Variants in CXCL13 observed in about 807,000 individuals in gnomAD.
The protein encoded by CXCL13 is C-X-C motif chemokine ligand 13, also known as C-X-C motif chemokine 13.
A neutral mutation model predicts 12.2 loss-of-function variants in CXCL13; 7 were observed. The observed-to-expected ratio is 0.57, with a 90% CI of 0.33 to 1.07. The LOEUF (loss-of-function observed/expected upper bound fraction) is 1.07, where lower values mean the gene tolerates loss of function less well. Among genes scored for constraint, CXCL13 ranks in the 50% least tolerant of loss-of-function variants. CXCL13 has a pLI of 0.04. For missense variants in CXCL13, 113 were observed against 127.4 expected (o/e 0.89, Z 0.55); for synonymous variants, 47 against 42.4 (o/e 1.11, Z -0.42).
At chr4:77,591,743 T>C (rs577302723) in intron 1 of CXCL13, among the ~76,000 whole-genome samples, 3 of 152,200 alleles carry the variant, frequency 2.0e-5, no homozygotes, top group East Asian at 1.9e-4. Context: ...CAGGCCACAC[T>C]TGGCACAGCC....
chr4:77,562,937 G>T (rs1725846778), intron 1 of CXCL13, among the ~76,000 whole-genome samples: 1 of 152,162 alleles, frequency 6.6e-6, no homozygotes, highest in South Asian at 2.1e-4. Context: ...ATAAAAGCAG[G>T]CTGCCAGAGC....
intron 1 of CXCL13, among the ~76,000 whole-genome samples, chr4:77,533,042 G>A (rs1009649448): frequency 2.0e-5 from 3 of 152,038 alleles, no homozygotes; most frequent in African/African-American, 4.8e-5. Flanking sequence ...AAATCATCAT[G>A]GTCATTCTCC....
chr4:77,542,951 T>G (rs751930019), intron 1 of CXCL13, among the ~76,000 whole-genome samples: 7 of 152,126 alleles, frequency 4.6e-5, no homozygotes, highest in Non-Finnish European at 1.0e-4. Flanking sequence ...CAGCTTTTCT[T>G]TTTAGGTATG....
At chr4:77,516,316 G>A (rs1322299153) in intron 1 of CXCL13, among the ~76,000 whole-genome samples, 3 of 152,294 alleles carry the variant, frequency 2.0e-5, no homozygotes, top group South Asian at 2.1e-4. Context: ...GATGATGCTG[G>A]CCTCATAAAT....
At chr4:77,515,634 T>C (rs1421635631) in intron 1 of CXCL13, among the ~76,000 whole-genome samples, 4 of 152,180 alleles carry the variant, frequency 2.6e-5, no homozygotes, top group African/African-American at 7.2e-5. Context: ...ATAAGAATGC[T>C]TGTGATTTTT....
At chr4:77,592,581 A>G (rs1726640085) in intron 1 of CXCL13, among the ~76,000 whole-genome samples, 1 of 152,150 alleles carries the variant, frequency 6.6e-6, no homozygotes. Flanking sequence ...CCATAATTCT[A>G]TACAATTATA....
intron 1 of CXCL13, among the ~76,000 whole-genome samples, chr4:77,566,063 G>A (rs1224695681): frequency 1.3e-5 from 2 of 152,234 alleles, no homozygotes; most frequent in South Asian, 2.1e-4. Flanking sequence ...AAGTTTCATA[G>A]ACTAATGATT....
Position 77,561,225 on chromosome 4 carries a change from C to T in CXCL13, c.-42-44599C>T, listed in dbSNP as rs181666853. Among the ~76,000 whole-genome samples, 5 of 152,256 alleles carry T rather than the reference C, an allele frequency of 3.3e-5. No individual in the cohort carries two copies. The South Asian group carries it at 1.0e-3, about 32-fold the overall frequency. On this transcript the variant is annotated intron_variant, in intron 1 of 4. Coordinates refer to the CXCL13 transcript ENST00000286758. ...AGTGTGGTCCATGGACCAGGAACAG[C>T]AGTGTTACCTGGAGGCCTGTTAGAA... is the stretch of plus-strand genomic sequence containing the variant.
intron 2 of CXCL13, among the ~76,000 whole-genome samples, chr4:77,610,173 A>G (rs1392129117): frequency 6.7e-6 from 1 of 150,096 alleles, no homozygotes; most frequent in African/African-American, 2.4e-5. Context: ...ATTGCACTGA[A>G]TTTTTTTTTT....
In CXCL13 at chr4:77,533,827, C is replaced by T. The variant is rs566301889; in HGVS notation, c.-43+22039C>T. Among the ~76,000 whole-genome samples the T allele has an allele frequency of 1.1e-4, 16 of 152,346 alleles. No individual in the cohort carries two copies. In the East Asian group the frequency reaches 2.5e-3, roughly 24 times the overall value. Reference sequence around the variant, plus strand: ...CAAGGGCCCATGGGCATAGGACCCTCTGAGCCATGCACGGGATATAATCTC... The same window carrying T: ...CAAGGGCCCATGGGCATAGGACCCTTTGAGCCATGCACGGGATATAATCTC... On this transcript the variant is annotated intron_variant, in intron 1 of 4. Coordinates refer to the CXCL13 transcript ENST00000286758.
chr4:77,580,314 T>TTTTTTTTTTTTTTTTTTTTA (rs1726292577), intron 1 of CXCL13, among the ~76,000 whole-genome samples: 1 of 78,362 alleles, frequency 1.3e-5, no homozygotes, highest in Non-Finnish European at 2.5e-5. Flanking sequence ...CTTTCTTTTT[T>TTTTTTTTTTTTTTTTTTTTA]TTTTTTTTTT....
At chr4:77,537,113 G>C (rs1725077367) in intron 1 of CXCL13, among the ~76,000 whole-genome samples, 1 of 152,114 alleles carries the variant, frequency 6.6e-6, no homozygotes, top group South Asian at 2.1e-4. Context: ...GTGTTATGAA[G>C]AGTTTATTAA....
chr4:77,514,756 T>C (rs1411086415), intron 1 of CXCL13, among the ~76,000 whole-genome samples: 1 of 152,252 alleles, frequency 6.6e-6, no homozygotes, highest in Non-Finnish European at 1.5e-5. Flanking sequence ...TTTTGTGGGA[T>C]GCCTGTTCAC....
chr4:77,577,210 C>A (rs910406139), intron 1 of CXCL13, among the ~76,000 whole-genome samples: 1 of 152,152 alleles, frequency 6.6e-6, no homozygotes, highest in Non-Finnish European at 1.5e-5. Context: ...AAGCATCATG[C>A]ACCCAAATCT....
chr4:77,532,710 C>T (rs957808311), intron 1 of CXCL13, among the ~76,000 whole-genome samples: 4 of 152,186 alleles, frequency 2.6e-5, no homozygotes, highest in Non-Finnish European at 4.4e-5. Context: ...GATCTTTTCA[C>T]GTAGTCCCAT....
chr4:77,595,107 T>C (rs1405281231), intron 1 of CXCL13, among the ~76,000 whole-genome samples: 1 of 151,684 alleles, frequency 6.6e-6, no homozygotes, highest in Non-Finnish European at 1.5e-5. Flanking sequence ...GATTTTTTTT[T>C]TTTTTTTTTA....
intron 1 of CXCL13, among the ~76,000 whole-genome samples, chr4:77,575,372 ATCCCATGT>A (rs1485736485): frequency 1.3e-5 from 2 of 151,824 alleles, no homozygotes; most frequent in African/African-American, 4.9e-5. Context: ...ATAGGTATCT[ATCCCATGT>A]TGATTTGCTG....
intron 1 of CXCL13, among the ~76,000 whole-genome samples, chr4:77,514,706 G>C (rs1053234191): frequency 1.3e-5 from 2 of 151,690 alleles, no homozygotes; most frequent in African/African-American, 4.8e-5. Context: ...CTGGATATTA[G>C]CCCTTTGTCA....
Position 77,546,923 on chromosome 4 carries a change from G to A in CXCL13, c.-43+35135G>A, listed in dbSNP as rs143233118. On this transcript the variant is annotated intron_variant, in intron 1 of 4. Coordinates refer to the CXCL13 transcript ENST00000286758. ...CATACTGCTTTACATGTGTCCCAGA[G>A]ATTCTGGTGCATTGTGTGTTTGTTC... Among the ~76,000 whole-genome samples, 653 of 152,306 alleles carry A rather than the reference G, an allele frequency of 4.3e-3. 16 individuals are homozygous for A. The highest frequency in any genetic ancestry group is 0.026 in the East Asian group (134 of 5,182).
Sources: gnomAD v4.1 joint callset for allele counts (sites outside exome capture counted in the v4.1 genomes callset) on GRCh38, gnomAD v4.1.1 for gene constraint, MANE v1.5 for transcripts, NCBI Gene and HGNC (gene_info 2026-07-23, HGNC 2026-07-21) for gene names.